Variants in LARS2 observed in about 807,000 individuals in gnomAD.
The protein encoded by LARS2 is leucine--tRNA ligase, mitochondrial.
A neutral mutation model predicts 116.6 loss-of-function variants in LARS2; 81 were observed. That is an observed-to-expected ratio of 0.69 (90% CI 0.58 to 0.84). The LOEUF is 0.84. Among genes scored for constraint, LARS2 ranks in the 40% least tolerant of loss-of-function variants. The probability of loss-of-function intolerance (pLI) is 0.00; values close to 1 mark genes in which losing one functional copy is unlikely to be tolerated. For missense variants in LARS2, 968 were observed against 1,114.5 expected (o/e 0.87, Z 1.87); for synonymous variants, 396 against 407.2 (o/e 0.97, Z 0.33).
rs145121468 is a variant in LARS2 at position 45,533,864 on chromosome 3, C to T, written c.2405-7965C>T. Among the ~76,000 whole-genome samples the T allele has an allele frequency of 3.3e-5, 5 of 152,302 alleles. No individual in the cohort carries two copies. In the East Asian group the frequency reaches 9.6e-4, roughly 29 times the overall value. On this transcript the variant is annotated intron_variant, in intron 20 of 21. Transcript: ENST00000645846. ...AACTAGCCCATTTCAAACTTTGCAC[C>T]GTGATTTTTCTACACGTCACCCCAC...
intron 17 of LARS2, among the ~76,000 whole-genome samples, chr3:45,517,511 T>A (rs1276922516): frequency 1.3e-5 from 2 of 152,212 alleles, no homozygotes; most frequent in East Asian, 3.9e-4. Flanking sequence ...AGGTAAGAGC[T>A]TGCACCAGCA....
chr3:45,460,998 T>C (rs961650015), intron 8 of LARS2, among the ~76,000 whole-genome samples: 6 of 152,094 alleles, frequency 3.9e-5, no homozygotes, highest in Non-Finnish European at 7.3e-5. Context: ...AATTAAAAAT[T>C]ACTAGACTTG....
At chr3:45,448,506 C>T (rs909502424) in intron 7 of LARS2, among the ~76,000 whole-genome samples, 27 of 152,220 alleles carry the variant, frequency 1.8e-4, no homozygotes, top group African/African-American at 6.5e-4. Flanking sequence ...CACACACACA[C>T]ACAGAAATAT....
rs1286113331 is a variant in LARS2, at chr3:45,504,952, C to T, written c.1760+4373C>T. ...AGAATTAGCCGAGCATGGTGGCATG[C>T]GCCTGTAGCCCCCAGCTACTAGGGA... On this transcript the variant is annotated intron_variant, in intron 15 of 21. Coordinates refer to ENST00000645846, the MANE Select transcript of LARS2 (RefSeq NM_015340.4). Among the ~76,000 whole-genome samples the T allele has an allele frequency of 1.3e-5, 2 of 151,428 alleles. 1 individual carries two copies. Among genetic ancestry groups the T allele is most frequent in the Non-Finnish European group, 3.0e-5 (2 of 67,786 alleles).
chr3:45,466,283 G>A (rs1699423776), intron 8 of LARS2, among the ~76,000 whole-genome samples: 1 of 152,140 alleles, frequency 6.6e-6, no homozygotes, highest in Non-Finnish European at 1.5e-5. Flanking sequence ...GGGTCTCAGG[G>A]ATCGCTGCAC....
chr3:45,502,044 G>A (rs1700130850), intron 15 of LARS2, among the ~76,000 whole-genome samples: 1 of 151,758 alleles, frequency 6.6e-6, no homozygotes, highest in South Asian at 2.1e-4. Context: ...TGGAAAGTTG[G>A]GTATCCATTC....
At chr3:45,430,272 A>AATC (rs1463959360) in intron 6 of LARS2, among the ~76,000 whole-genome samples, 21 of 96,614 alleles carry the variant, frequency 2.2e-4, no homozygotes, top group Middle Eastern at 6.0e-3. Context: ...GCACCCGGCC[A>AATC]TTTTTTTTTT....
rs73830408 is a variant in LARS2, at chr3:45,400,415, C to T, written c.363+42C>T. ...GCTGGAGCAGCCCTTGTCTGCCACA[C>T]GCAGGGTTGGCATGTAGTAATATGT... On this transcript the variant is annotated intron_variant, in intron 4 of 21. Coordinates refer to ENST00000645846, the MANE Select transcript of LARS2 (RefSeq NM_015340.4). The T allele has an allele frequency of 2.9e-3, 4,538 of 1,562,730 alleles. 109 individuals are homozygous for T. In the African/African-American group the frequency reaches 0.055, roughly 19 times the overall value.
In LARS2 at chr3:45,460,011, C is replaced by T. The variant is rs1699287639; in HGVS notation, c.750+1125C>T. Among the ~76,000 whole-genome samples the T allele has an allele frequency of 2.0e-5, 3 of 152,292 alleles. No homozygotes were observed. In the South Asian group the frequency reaches 6.2e-4, roughly 32 times the overall value. On this transcript the variant is annotated intron_variant, in intron 8 of 21. Coordinates refer to ENST00000645846, the MANE Select transcript of LARS2 (RefSeq NM_015340.4). ...CTGTTGTTCTTACATACAAAGAAAGCACAAGGTTCTCAATATCCCATGGTC... is the reference window on the plus strand; with the variant it reads ...CTGTTGTTCTTACATACAAAGAAAGTACAAGGTTCTCAATATCCCATGGTC...
chr3:45,539,456 C>T (rs923254393), intron 20 of LARS2, among the ~76,000 whole-genome samples: 1 of 152,060 alleles, frequency 6.6e-6, no homozygotes, highest in African/African-American at 2.4e-5. Flanking sequence ...CATGGTAAAA[C>T]CCTGTCTCTA....
chr3:45,392,067 C>T (rs1697962450), intron 2 of LARS2, among the ~76,000 whole-genome samples: 1 of 152,170 alleles, frequency 6.6e-6, no homozygotes, highest in Non-Finnish European at 1.5e-5. Context: ...AAAGTATTGA[C>T]TTGGCAAGAG....
rs183459980 is a variant in LARS2 at position 45,549,122 on chromosome 3, T to C, written c.*1592T>C. The C allele has an allele frequency of 3.5e-4, 53 of 152,368 alleles. No individual in the cohort carries two copies. The highest frequency in any genetic ancestry group is 1.2e-3 in the African/African-American group (51 of 41,594). 9.4% of individuals were successfully genotyped at this position (152,368 alleles called of 1,614,324 possible). ...CAGATATTCCAATTTAATTGGTCCA[T>C]GGTGTGGCTTGAACACCAGGAATCT... is the stretch of plus-strand genomic sequence containing the variant. On this transcript the variant is annotated 3_prime_UTR_variant, in exon 22 of 22. Transcript: ENST00000645846.
intron 15 of LARS2, among the ~76,000 whole-genome samples, chr3:45,504,118 T>C (rs1301801425): frequency 6.6e-6 from 1 of 152,048 alleles, no homozygotes; most frequent in African/African-American, 2.4e-5. Context: ...CATATGGATA[T>C]ACCATAATTT....
chr3:45,479,591 T>C (rs965047712), intron 10 of LARS2, among the ~76,000 whole-genome samples: 1 of 152,122 alleles, frequency 6.6e-6, no homozygotes, highest in African/African-American at 2.4e-5. Flanking sequence ...CAGATTCCTT[T>C]AAGAGAGGAA....
At chr3:45,463,050 G>A (rs571484521) in intron 8 of LARS2, among the ~76,000 whole-genome samples, 14 of 152,316 alleles carry the variant, frequency 9.2e-5, no homozygotes, top group African/African-American at 2.4e-4. Flanking sequence ...AGCTGTGTGG[G>A]CGGTGTCTTG....
chr3:45,484,630 A>ATATATATATATATATAT (rs1313520791), intron 10 of LARS2, among the ~76,000 whole-genome samples: 1 of 9,738 alleles, frequency 1.0e-4, no homozygotes, highest in African/African-American at 1.8e-4. Flanking sequence ...AAAAAAAAAA[A>ATATATATATATATATAT]ATATATATAT....
chr3:45,477,841 A>T (rs571274597), intron 10 of LARS2, among the ~76,000 whole-genome samples: 1 of 152,346 alleles, frequency 6.6e-6, no homozygotes, highest in East Asian at 1.9e-4. Context: ...ACATTTCCTA[A>T]TACTAGGTTG....
chr3:45,463,001 C>T (rs1483615537), intron 8 of LARS2, among the ~76,000 whole-genome samples: 1 of 152,204 alleles, frequency 6.6e-6, no homozygotes, highest in Non-Finnish European at 1.5e-5. Flanking sequence ...AGAAAACTTG[C>T]AGTAGGAGTA....
chr3:45,474,501 G>A, intron 9 of LARS2, 151 bp downstream of exon 9: 1 of 437,818 alleles, frequency 2.3e-6, no homozygotes. Flanking sequence ...TTTTTTAAAA[G>A]TGCAAAGAAC....
Sources: gnomAD v4.1 joint callset for allele counts (sites outside exome capture counted in the v4.1 genomes callset) on GRCh38, gnomAD v4.1.1 for gene constraint, MANE v1.5 for transcripts, NCBI Gene and HGNC (gene_info 2026-07-23, HGNC 2026-07-21) for gene names.